Variants in KMT2A observed in about 807,000 individuals in gnomAD.
KMT2A encodes the protein histone-lysine N-methyltransferase 2A.
In KMT2A, 16 loss-of-function variants were observed where a neutral mutation model predicts 345.3. The observed-to-expected ratio is 0.05, with a 90% CI of 0.03 to 0.07. The LOEUF is 0.07. Among genes scored for constraint, KMT2A ranks in the 10% least tolerant of loss-of-function variants. KMT2A has a pLI of 1.00. For missense variants in KMT2A, 3,272 were observed against 4,841.6 expected (o/e 0.68, Z 9.62); for synonymous variants, 1,599 against 1,778.6 (o/e 0.90, Z 2.54).
rs1950980412 is a variant in KMT2A, at chr11:118,521,936, G to A, written c.11683G>A (p.Val3895Ile). Residue 3895 changes from valine (V) to isoleucine (I), a missense_variant, in exon 36 of 36, where the codon GTA becomes ATA. Val to Ile is a conservative substitution (Grantham distance 29). Around this residue, in one of 27 missense-constraint regions of KMT2A, gnomAD observed 78 missense variants for 254.5 expected, o/e 0.31. Coordinates refer to ENST00000534358, the MANE Select transcript of KMT2A (RefSeq NM_001197104.2). This position sits in a 1 kb window ranked among gnomAD's most constrained non-coding sequence, Gnocchi z 5.3. The part of the protein sequence containing the change: ...CYMFRIDDSE[V>I]VDATMHGNAA... Reference sequence around the variant, plus strand: ...TATGTTCCGAATTGATGACTCAGAGGTAGTGGATGCCACCATGCATGGAAA... The same window carrying A: ...TATGTTCCGAATTGATGACTCAGAGATAGTGGATGCCACCATGCATGGAAA... 1 of 1,614,192 alleles carries A rather than the reference G, an allele frequency of 6.2e-7. No homozygotes were observed. The highest frequency in any genetic ancestry group is 8.5e-7 in the Non-Finnish European group (1 of 1,180,034).
At chr11:118,499,945 C>T (rs1565300125) in intron 24 of KMT2A, 32 bp downstream of exon 24, 8 of 1,449,014 alleles carry the variant, frequency 5.5e-6, no homozygotes, top group Non-Finnish European at 7.8e-6. Context: ...AGAGAGCAGC[C>T]CCACAACCTG....
rs1555046988 is a variant in KMT2A, at chr11:118,503,981, G to A, written c.8089G>A (p.Glu2697Lys). ...TAGAACAGTGATTTCTTCAGGTGGAGAGGAACGACTGGCATCCCATAATTT... is the reference window on the plus strand; with the variant it reads ...TAGAACAGTGATTTCTTCAGGTGGAAAGGAACGACTGGCATCCCATAATTT... ...FTRTVISSGG[E>K]ERLASHNLFR... The change falls in exon 27 of 36, where the codon GAG becomes AAG. Residue 2697 changes from glutamate (E) to lysine (K), a missense_variant. Around this residue, in one of 27 missense-constraint regions of KMT2A, gnomAD observed 47 missense variants for 53.6 expected, o/e 0.88. Coordinates refer to ENST00000534358, the MANE Select transcript of KMT2A (RefSeq NM_001197104.2). The surrounding 1 kb of genome is among the most constrained non-coding windows in gnomAD (Gnocchi z 5.3). 6.2e-7 allele frequency: 1 copy of A among 1,614,208 alleles called. No homozygotes were observed. Among genetic ancestry groups the A allele is most frequent in the Admixed American group, 1.7e-5 (1 of 60,022 alleles).
intron 1 of KMT2A, among the ~76,000 whole-genome samples, chr11:118,466,627 C>G (rs1555034140): frequency 6.6e-6 from 1 of 151,810 alleles, no homozygotes; most frequent in Non-Finnish European, 1.5e-5. Flanking sequence ...ACCAGCCTGG[C>G]CAACATTGCA....
At chr11:118,486,053 C>A (rs782124589) in intron 10 of KMT2A, among the ~76,000 whole-genome samples, 11 of 152,012 alleles carry the variant, frequency 7.2e-5, no homozygotes, top group East Asian at 1.9e-4. Context: ...ACTGCACTCC[C>A]GCCTGGGCGA....
intron 31 of KMT2A, among the ~76,000 whole-genome samples, chr11:118,517,532 T>A (rs1950847438): frequency 6.6e-6 from 1 of 152,150 alleles, no homozygotes; most frequent in Admixed American, 6.5e-5. Flanking sequence ...ACAGTTGTGA[T>A]CATAAGAATG....
intron 1 of KMT2A, among the ~76,000 whole-genome samples, chr11:118,443,112 T>C (rs1949347074): frequency 6.6e-6 from 1 of 152,232 alleles, no homozygotes; most frequent in Non-Finnish European, 1.5e-5. Context: ...TGGGTGGTTT[T>C]ATGGCCTAAT....
At chr11:118,446,481 T>A (rs994067935) in intron 1 of KMT2A, among the ~76,000 whole-genome samples, 1 of 152,354 alleles carries the variant, frequency 6.6e-6, no homozygotes, top group Non-Finnish European at 1.5e-5. Flanking sequence ...GGCTAGTAAG[T>A]GGCAGGGCTA....
At position 118,520,755 on chromosome 11, in the gene KMT2A, C is replaced by T. The variant is rs782758095; in HGVS notation, c.11430-47C>T. The T allele has an allele frequency of 3.6e-6, 5 of 1,403,016 alleles. No individual in the cohort carries two copies. In the Admixed American group the frequency reaches 5.0e-5, roughly 14 times the overall value. The allele number at this position is 1,403,016 out of a possible 1,614,324, so 86.9% of individuals were successfully genotyped here. A position where few individuals can be genotyped will look rare whatever the true frequency, so the allele number is the denominator to read the frequency against. On this transcript the variant is annotated intron_variant, in intron 33 of 35. Transcript: ENST00000534358. This position sits in a 1 kb window ranked among gnomAD's most constrained non-coding sequence, Gnocchi z 4.3. ...GGAACCTTCGATTCAAGACTCAAAA[C>T]ATTATTTCCTGAAAAAAATTCGTTA... is the stretch of plus-strand genomic sequence containing the variant.
intron 1 of KMT2A, among the ~76,000 whole-genome samples, chr11:118,452,821 A>G (rs959283130): frequency 6.6e-6 from 1 of 151,928 alleles, no homozygotes; most frequent in African/African-American, 2.4e-5. Flanking sequence ...TTTAGTAGAG[A>G]TGGGGTTTCA....
rs539837639 is a variant in KMT2A, at chr11:118,521,366, C to T, written c.11592C>T (p.Asn3864=). The change falls in exon 35 of 36, where the codon AAC becomes AAT. Residue 3864 remains asparagine, a synonymous_variant. Transcript: ENST00000534358. This position sits in a 1 kb window ranked among gnomAD's most constrained non-coding sequence, Gnocchi z 5.3. ...AGEMVIEYAG[N]VIRSIQTDKR... is the part of the protein sequence containing the mutation. ...AGATGGTGATTGAGTATGCCGGCAA[C>T]GTCATCCGCTCCATCCAGACTGACA... 88 of 1,614,090 alleles carry T rather than the reference C, an allele frequency of 5.5e-5. No individual in the cohort carries two copies. In the Admixed American group the frequency reaches 7.2e-4, roughly 13 times the overall value.
rs1555138758 is a variant in KMT2A, at chr11:118,436,832, G to A, written c.320G>A (p.Arg107Gln). 6.2e-7 allele frequency: 1 copy of A among 1,606,414 alleles called. No homozygotes were observed. The highest frequency in any genetic ancestry group is 1.1e-5 in the South Asian group (1 of 90,228). ...SSASSGPALL[R>Q]VGPGFDAALQ... ...GCCTCTTCAGGGCCGGCCCTGCTCCGGGTGGGCCCGGGCTTCGACGCGGCG... is the reference window on the plus strand; with the variant it reads ...GCCTCTTCAGGGCCGGCCCTGCTCCAGGTGGGCCCGGGCTTCGACGCGGCG... The change falls in exon 1 of 36, where the codon CGG (arginine) becomes CAG (glutamine). Residue 107 changes from arginine (R) to glutamine (Q), a missense_variant. Arg to Gln is a conservative substitution (Grantham distance 43, BLOSUM62 1). Transcript: ENST00000534358. This position sits in a 1 kb window ranked among gnomAD's most constrained non-coding sequence, Gnocchi z 6.9.
intron 2 of KMT2A, 38 bp downstream of exon 2, chr11:118,468,882 G>C (rs377388490): frequency 6.5e-7 from 1 of 1,545,804 alleles, no homozygotes; most frequent in African/African-American, 1.4e-5. Context: ...TTTAAGTTTT[G>C]TTTGTTAGGA....
chr11:118,520,836 C>T lies in KMT2A; in HGVS notation c.11464C>T (p.Arg3822Cys), dbSNP rs1591310362. Residue 3822 changes from arginine (R) to cysteine (C), a missense_variant, in exon 34 of 36, where the codon CGC (arginine) becomes TGC (cysteine). By Grantham distance (180) the Arg-to-Cys change is radical (BLOSUM62 -3). Around this residue, in one of 27 missense-constraint regions of KMT2A, gnomAD observed 78 missense variants for 254.5 expected, o/e 0.31. Coordinates refer to ENST00000534358, the MANE Select transcript of KMT2A (RefSeq NM_001197104.2). This position sits in a 1 kb window ranked among gnomAD's most constrained non-coding sequence, Gnocchi z 4.3. ...ATSMDLPMPMRFRHLKKTSKE... is the reference protein window; with the variant it reads ...ATSMDLPMPMCFRHLKKTSKE... Reference sequence around the variant, plus strand: ...TAGCATGGATCTGCCAATGCCCATGCGCTTCCGGCACTTAAAAAAGACTTC... The same window carrying T: ...TAGCATGGATCTGCCAATGCCCATGTGCTTCCGGCACTTAAAAAAGACTTC... 4 of 1,614,028 alleles carry T rather than the reference C, an allele frequency of 2.5e-6. No individual in the cohort carries two copies. Among genetic ancestry groups the T allele is most frequent in the African/African-American group, 1.3e-5 (1 of 75,034 alleles).
At chr11:118,444,719 A>G (rs1326673827) in intron 1 of KMT2A, among the ~76,000 whole-genome samples, 1 of 152,164 alleles carries the variant, frequency 6.6e-6, no homozygotes, top group Non-Finnish European at 1.5e-5. Flanking sequence ...GACTACAGGC[A>G]TGCACCACCA....
chr11:118,475,896 G>A (rs1235350234), intron 3 of KMT2A, among the ~76,000 whole-genome samples: 1 of 151,960 alleles, frequency 6.6e-6, no homozygotes, highest in Non-Finnish European at 1.5e-5. Context: ...ATTTCTTTTG[G>A]AGCCTTTTAT....
chr11:118,519,567 G>A (rs1950910798), intron 31 of KMT2A, 51 bp from the exon 32 acceptor site: 2 of 1,543,486 alleles, frequency 1.3e-6, no homozygotes, highest in Non-Finnish European at 1.8e-6. Context: ...GGACCATGCT[G>A]TTTCCTGTTG....
At position 118,457,433 on chromosome 11, in the gene KMT2A, A is replaced by AT. The variant is rs1272768366; in HGVS notation, c.433-11332dup. Among the ~76,000 whole-genome samples, 96 of 146,508 alleles carry AT rather than the reference A, an allele frequency of 6.6e-4. 2 individuals carry two copies. The highest frequency in any genetic ancestry group is 2.4e-3 in the South Asian group (11 of 4,580). On this transcript the variant is annotated intron_variant, in intron 1 of 35. Coordinates refer to ENST00000534358, the MANE Select transcript of KMT2A (RefSeq NM_001197104.2). Reference sequence around the variant, plus strand: ...AGGTGCCCACCACCACGCCTGGCTAATTTTTTTTTTGTATTTTTTAGTAGA... The same window carrying AT: ...AGGTGCCCACCACCACGCCTGGCTAATTTTTTTTTTTGTATTTTTTAGTAGA...
chr11:118,451,265 G>C (rs370764446), intron 1 of KMT2A, among the ~76,000 whole-genome samples: 2 of 145,840 alleles, frequency 1.4e-5, no homozygotes, highest in Non-Finnish European at 3.0e-5. Flanking sequence ...AGGCTGGGAT[G>C]CAGTGGCACA....
rs781940332 is a variant in KMT2A, at chr11:118,523,114, T to C, written c.*942T>C. On this transcript the variant is annotated 3_prime_UTR_variant, in exon 36 of 36. Coordinates refer to ENST00000534358, the MANE Select transcript of KMT2A (RefSeq NM_001197104.2). ...TTTTCATAAAGCTCCATGGAGAGTT[T>C]TAAAGAAACATATGTAGCATGATTT... is the stretch of plus-strand genomic sequence containing the variant. 39 of 224,838 alleles carry C rather than the reference T, an allele frequency of 1.7e-4. No individual in the cohort carries two copies. Among genetic ancestry groups the C allele is most frequent in the Non-Finnish European group, 3.0e-4 (34 of 112,610 alleles). 13.9% of individuals were successfully genotyped at this position (224,838 alleles called of 1,614,324 possible).
Sources: gnomAD v4.1 joint callset for allele counts (sites outside exome capture counted in the v4.1 genomes callset) on GRCh38, gnomAD v4.1.1 for gene constraint, gnomAD v4.1.1 regional missense constraint, Gnocchi (gnomAD v3.1) non-coding constraint, MANE v1.5 for transcripts, NCBI Gene and HGNC (gene_info 2026-07-23, HGNC 2026-07-21) for gene names.